EXO1: variants seen among roughly 807,000 people sequenced by gnomAD.
The protein encoded by EXO1 is exonuclease 1.
Under a neutral mutation model 84.5 loss-of-function variants are expected in EXO1, and 69 were observed. That is an observed-to-expected ratio of 0.82 (90% confidence interval 0.67 to 1.00). The LOEUF (loss-of-function observed/expected upper bound fraction) is 1.00. EXO1 is among the 50% of genes least tolerant of loss of function. The probability of loss-of-function intolerance (pLI) is 0.00; values close to 1 mark genes in which losing one functional copy is unlikely to be tolerated. For synonymous variants in EXO1, 373 were observed against 366.1 expected (o/e 1.02, Z -0.21); for missense variants, 1,045 against 1,000.7 (o/e 1.04, Z -0.60).
intron 10 of EXO1, among the ~76,000 whole-genome samples, chr1:241,865,864 TC>T (rs1426084483): frequency 6.6e-6 from 1 of 152,234 alleles, no homozygotes; most frequent in African/African-American, 2.4e-5. Context: ...TAAATTACCT[TC>T]CTTATTAATT....
Position 241,889,760 on chromosome 1 carries a change from G to GT in EXO1, c.*167dup, listed in dbSNP as rs1186834851. 31 of 696,552 alleles carry GT rather than the reference G, an allele frequency of 4.5e-5. No individual in the cohort carries two copies. The East Asian group carries it at 5.2e-4, about 12-fold the overall frequency. 43.1% of individuals were successfully genotyped at this position (696,552 alleles called of 1,614,324 possible). Reference sequence around the variant, plus strand: ...ATATTAACTTTATAATTGGGTTGTGGTTTTTTTGCTCAGCTTTTTATATTT... The same window carrying GT: ...ATATTAACTTTATAATTGGGTTGTGGTTTTTTTTGCTCAGCTTTTTATATTT... On this transcript the variant is annotated 3_prime_UTR_variant, in exon 16 of 16. Transcript: ENST00000366548.
At chr1:241,871,445 C>T (rs1662085891) in intron 11 of EXO1, among the ~76,000 whole-genome samples, 1 of 152,168 alleles carries the variant, frequency 6.6e-6, no homozygotes, top group Non-Finnish European at 1.5e-5. Context: ...AGATTTTAAA[C>T]TTTTGTTATT....
At chr1:241,862,905 T>C (rs1345915074) in intron 10 of EXO1, among the ~76,000 whole-genome samples, 3 of 152,202 alleles carry the variant, frequency 2.0e-5, no homozygotes, top group Non-Finnish European at 2.9e-5. Context: ...TGAAACAATG[T>C]AATTAGGTTA....
chr1:241,869,396 C>G (rs1431983105), intron 11 of EXO1, among the ~76,000 whole-genome samples: 8 of 152,134 alleles, frequency 5.3e-5, no homozygotes, highest in Admixed American at 1.3e-4. Flanking sequence ...AATTTTTTCA[C>G]CATAGAGGAT....
Position 241,850,603 on chromosome 1 carries a change from T to C in EXO1, c.161+17T>C, listed in dbSNP as rs373461737. On this transcript the variant is annotated intron_variant, in intron 4 of 15. Coordinates refer to ENST00000366548, the MANE Select transcript of EXO1 (RefSeq NM_130398.4). Reference sequence around the variant, plus strand: ...TACTGATAGGTAAGTCTGGACCTTATGTTAATTCTTTGACAATTAAGAATG... The same window carrying C: ...TACTGATAGGTAAGTCTGGACCTTACGTTAATTCTTTGACAATTAAGAATG... 2.0e-5 allele frequency: 32 copies of C among 1,609,134 alleles called. No homozygotes were observed. The highest frequency in any genetic ancestry group is 6.7e-5 in the African/African-American group (5 of 74,858).
intron 15 of EXO1, among the ~76,000 whole-genome samples, chr1:241,887,926 A>T (rs1663159276): frequency 6.6e-6 from 1 of 152,178 alleles, no homozygotes; most frequent in African/African-American, 2.4e-5. Context: ...GACATGAGCC[A>T]CCACGCCTGG....
chr1:241,853,732 G>A (rs1460697739), intron 6 of EXO1, among the ~76,000 whole-genome samples: 2 of 152,048 alleles, frequency 1.3e-5, no homozygotes, highest in Non-Finnish European at 2.9e-5. Flanking sequence ...AAGGAACAGG[G>A]CCAGGCACGG....
intron 5 of EXO1, 114 bp downstream of exon 5, chr1:241,852,525 G>T: frequency 2.2e-6 from 2 of 903,904 alleles, no homozygotes; most frequent in Non-Finnish European, 3.6e-6. Context: ...TGCACCTGTT[G>T]TCCTAGGTAC....
At chr1:241,884,614 A>G (rs1662941860) in intron 14 of EXO1, among the ~76,000 whole-genome samples, 1 of 151,948 alleles carries the variant, frequency 6.6e-6, no homozygotes. Context: ...TAAGTGAGAA[A>G]AATGAAGTGC....
At position 241,857,383 on chromosome 1, in the gene EXO1, C is replaced by T. The variant is rs1410324424; in HGVS notation, c.444C>T (p.Pro148=). 24 of 1,613,796 alleles carry T rather than the reference C, an allele frequency of 1.5e-5. No homozygotes were observed. Among genetic ancestry groups the T allele is most frequent in the Non-Finnish European group, 2.0e-5 (24 of 1,179,936 alleles). The change falls in exon 7 of 16, where the codon CCC becomes CCT. Residue 148 remains proline (P), a synonymous_variant. Transcript: ENST00000366548. ...RSQGVDCLVA[P]YEADAQLAYL... ...AGGGGGTAGATTGCCTCGTGGCTCC[C>T]TATGAAGCTGATGCGCAGTTGGCCT... is the stretch of plus-strand genomic sequence containing the variant.
At chr1:241,877,545 C>T (rs1371886526) in intron 12 of EXO1, among the ~76,000 whole-genome samples, 1 of 152,116 alleles carries the variant, frequency 6.6e-6, no homozygotes, top group Non-Finnish European at 1.5e-5. Context: ...GATTTTTACT[C>T]TCTAGCATTT....
chr1:241,853,911 A>G (rs1660804246), intron 6 of EXO1, among the ~76,000 whole-genome samples: 1 of 152,022 alleles, frequency 6.6e-6, no homozygotes, highest in Non-Finnish European at 1.5e-5. Context: ...GTCTCACCCA[A>G]CTCTCCTACA....
At chr1:241,874,361 C>A (rs182448154) in intron 12 of EXO1, among the ~76,000 whole-genome samples, 6 of 152,270 alleles carry the variant, frequency 3.9e-5, no homozygotes, top group Admixed American at 2.6e-4. Context: ...CCACTGCAGT[C>A]CAGCCAGGGT....
chr1:241,855,986 G>A (rs1371448083), intron 6 of EXO1, among the ~76,000 whole-genome samples: 1 of 152,226 alleles, frequency 6.6e-6, no homozygotes, highest in East Asian at 1.9e-4. Flanking sequence ...TAAGCTGAGG[G>A]AGTGGGCTCC....
chr1:241,870,947 C>T (rs1211955941), intron 11 of EXO1, among the ~76,000 whole-genome samples: 2 of 152,138 alleles, frequency 1.3e-5, no homozygotes, highest in African/African-American at 4.8e-5. Context: ...TGCAAATCCC[C>T]ATAACTAATA....
chr1:241,878,365 C>T (rs183241862), intron 12 of EXO1, among the ~76,000 whole-genome samples: 12 of 152,018 alleles, frequency 7.9e-5, no homozygotes, highest in East Asian at 1.9e-4. Context: ...AGCATGGTGG[C>T]GCATGCCTGT....
At chr1:241,882,832 A>G (rs577305843) in intron 14 of EXO1, among the ~76,000 whole-genome samples, 1 of 152,322 alleles carries the variant, frequency 6.6e-6, no homozygotes, top group African/African-American at 2.4e-5. Context: ...TTTTTATGAG[A>G]GTATAGTGAG....
At chr1:241,853,211 A>T in intron 5 of EXO1, 147 bp from the exon 6 acceptor site, 1 of 753,664 alleles carries the variant, frequency 1.3e-6, no homozygotes, top group Non-Finnish European at 2.3e-6. Flanking sequence ...CATCTGGGTT[A>T]ATGTTCTCAA....
chr1:241,855,626 C>T (rs1344699323), intron 6 of EXO1, among the ~76,000 whole-genome samples: 1 of 152,208 alleles, frequency 6.6e-6, no homozygotes, highest in African/African-American at 2.4e-5. Flanking sequence ...CGCCGTGGAG[C>T]AGGGGGTGGT....
Sources: gnomAD v4.1 joint callset for allele counts (sites outside exome capture counted in the v4.1 genomes callset) on GRCh38, gnomAD v4.1.1 for gene constraint, MANE v1.5 for transcripts, NCBI Gene and HGNC (gene_info 2026-07-23, HGNC 2026-07-21) for gene names.